PRKN: variants seen among roughly 807,000 people sequenced by gnomAD.
PRKN encodes E3 ubiquitin-protein ligase parkin.
Under a neutral mutation model 59.5 loss-of-function variants are expected in PRKN, and 56 were observed. The ratio of observed to expected loss-of-function variants is 0.94; its 90% CI spans 0.76 to 1.18. The LOEUF is 1.18. PRKN is among the 50% of genes most tolerant of loss of function. The pLI is 0.00. For synonymous variants in PRKN, 250 were observed against 222.1 expected (o/e 1.13, Z -1.12); for missense variants, 657 against 596.4 (o/e 1.10, Z -1.06).
chr6:162,102,039 T>C (rs1370279966), intron 4 of PRKN, among the ~76,000 whole-genome samples: 1 of 152,224 alleles, frequency 6.6e-6, no homozygotes, highest in Non-Finnish European at 1.5e-5. Context: ...TTTTCTCTTT[T>C]TTAATTTTAA....
chr6:162,704,510 T>A (rs1159183789), intron 1 of PRKN, among the ~76,000 whole-genome samples: 1 of 152,226 alleles, frequency 6.6e-6, no homozygotes, highest in South Asian at 2.1e-4. Flanking sequence ...TTAAACTATG[T>A]GTCAAAGCTC....
chr6:162,075,879 C>T (rs1352307062), intron 4 of PRKN, among the ~76,000 whole-genome samples: 2 of 151,828 alleles, frequency 1.3e-5, no homozygotes, highest in African/African-American at 4.9e-5. Flanking sequence ...CATCTTTTCA[C>T]TGAACCGTAC....
chr6:161,531,585 A>C (rs577530341), intron 9 of PRKN, among the ~76,000 whole-genome samples: 1 of 152,242 alleles, frequency 6.6e-6, no homozygotes, highest in East Asian at 1.9e-4. Context: ...AATCCAAAAT[A>C]GGCTCAAAGG....
chr6:161,615,493 T>C (rs1412181717), intron 7 of PRKN, among the ~76,000 whole-genome samples: 1 of 152,150 alleles, frequency 6.6e-6, no homozygotes, highest in Non-Finnish European at 1.5e-5. Context: ...CAGCAGAGTG[T>C]CGATGAAGAG....
chr6:161,618,154 ATAT>A (rs1782763957), intron 7 of PRKN, among the ~76,000 whole-genome samples: 1 of 152,206 alleles, frequency 6.6e-6, no homozygotes, highest in East Asian at 1.9e-4. Context: ...ACTGCAACAT[ATAT>A]TTTTTTCCTA....
At chr6:162,604,664 C>T (rs1333653098) in intron 1 of PRKN, among the ~76,000 whole-genome samples, 2 of 150,162 alleles carry the variant, frequency 1.3e-5, no homozygotes, top group African/African-American at 4.9e-5. Context: ...AAACAATAGC[C>T]TTTTCCCCAC....
At chr6:161,743,737 A>G (rs1788297151) in intron 7 of PRKN, among the ~76,000 whole-genome samples, 1 of 152,100 alleles carries the variant, frequency 6.6e-6, no homozygotes, top group African/African-American at 2.4e-5. Flanking sequence ...CAACAAAGGG[A>G]ACTTTTGAGG....
chr6:162,308,738 G>A (rs969128769), intron 2 of PRKN, among the ~76,000 whole-genome samples: 4 of 152,086 alleles, frequency 2.6e-5, no homozygotes, highest in African/African-American at 9.7e-5. Context: ...ACTGTAAACA[G>A]CCAAGCCCCA....
rs768652293 is a variant in PRKN, at chr6:161,548,950, G to A, written c.987C>T (p.Gly329=). The A allele has an allele frequency of 2.9e-5, 46 of 1,613,878 alleles. No individual in the cohort carries two copies. Among genetic ancestry groups the A allele is most frequent in the Non-Finnish European group, 3.2e-5 (38 of 1,179,960 alleles). ...CACAGCCAGGGCGGGGGCATAACACGCCCCCCATCTGCAGGACACACTCCT... is the reference window on the plus strand; with the variant it reads ...CACAGCCAGGGCGGGGGCATAACACACCCCCCATCTGCAGGACACACTCCT... ...GAEECVLQMG[G]VLCPRPGCGA... The change falls in exon 9 of 12, where the codon GGC becomes GGT. Residue 329 remains glycine, a synonymous_variant. Coordinates refer to ENST00000366898, the MANE Select transcript of PRKN (RefSeq NM_004562.3). This position sits in a 1 kb window ranked among gnomAD's most constrained non-coding sequence, Gnocchi z 4.2.
chr6:161,928,847 T>C (rs1402542188), intron 6 of PRKN, among the ~76,000 whole-genome samples: 2 of 152,182 alleles, frequency 1.3e-5, no homozygotes, highest in African/African-American at 4.8e-5. Flanking sequence ...CCTTTGGAGT[T>C]AACATGGGGA....
intron 9 of PRKN, among the ~76,000 whole-genome samples, chr6:161,408,245 T>C (rs536503579): frequency 6.7e-6 from 1 of 149,778 alleles, no homozygotes; most frequent in East Asian, 2.0e-4. Flanking sequence ...CCCTGACAAA[T>C]GGTCATCATT....
intron 1 of PRKN, among the ~76,000 whole-genome samples, chr6:162,712,847 G>A (rs1778587179): frequency 6.6e-6 from 1 of 152,066 alleles, no homozygotes; most frequent in African/African-American, 2.4e-5. Context: ...TAAAAACCAG[G>A]GTCACTTCCC....
In PRKN at chr6:161,603,941, A is replaced by T. The variant is rs117450041; in HGVS notation, c.872-34525T>A. On this transcript the variant is annotated intron_variant, in intron 7 of 11. Transcript: ENST00000366898. ...TCCATGCATCTCAATTAGTACCCGT[A>T]TAAAACAGCCCCTTCTACTATGTGA... is the stretch of plus-strand genomic sequence containing the variant. 9.3e-3 allele frequency among the ~76,000 whole-genome samples: 1,422 copies of T among 152,342 alleles called. 9 individuals are homozygous for T. The highest frequency in any genetic ancestry group is 0.016 in the Non-Finnish European group (1,068 of 68,034).
chr6:162,539,164 T>C (rs1778828811), intron 1 of PRKN, among the ~76,000 whole-genome samples: 1 of 152,176 alleles, frequency 6.6e-6, no homozygotes, highest in Admixed American at 6.5e-5. Flanking sequence ...GTATTTATAT[T>C]GAGTGTTTCT....
intron 9 of PRKN, among the ~76,000 whole-genome samples, chr6:161,540,759 T>C (rs113051648): frequency 3.3e-5 from 5 of 152,356 alleles, no homozygotes; most frequent in African/African-American, 7.2e-5. Flanking sequence ...TGTGCTGTTC[T>C]GCTTGTTCAA....
chr6:161,765,906 A>G (rs1583129841), intron 7 of PRKN, among the ~76,000 whole-genome samples: 2 of 152,364 alleles, frequency 1.3e-5, no homozygotes, highest in Non-Finnish European at 2.9e-5. Flanking sequence ...GTAACAAATC[A>G]AAAACAAAAT....
chr6:161,800,640 A>G (rs1791038929), intron 6 of PRKN, among the ~76,000 whole-genome samples: 1 of 152,226 alleles, frequency 6.6e-6, no homozygotes, highest in Non-Finnish European at 1.5e-5. Flanking sequence ...TGTTGTGGGC[A>G]GTGTCTGGCC....
intron 5 of PRKN, among the ~76,000 whole-genome samples, chr6:162,010,370 C>G (rs1316009272): frequency 9.3e-6 from 1 of 107,994 alleles, no homozygotes; most frequent in African/African-American, 3.8e-5. Flanking sequence ...ATGTAATATA[C>G]ATTTATAATA....
intron 1 of PRKN, among the ~76,000 whole-genome samples, chr6:162,626,580 C>T (rs533749593): frequency 4.7e-4 from 72 of 152,186 alleles, no homozygotes; most frequent in South Asian, 3.3e-3. Flanking sequence ...TTTGGAAAGC[C>T]GCGGAGGGTG....
Sources: gnomAD v4.1 joint callset for allele counts (sites outside exome capture counted in the v4.1 genomes callset) on GRCh38, gnomAD v4.1.1 for gene constraint, Gnocchi (gnomAD v3.1) non-coding constraint, MANE v1.5 for transcripts, NCBI Gene and HGNC (gene_info 2026-07-23, HGNC 2026-07-21) for gene names.